Variants in CSPP1 observed in about 807,000 individuals in gnomAD.
CSPP1 encodes centrosome and spindle pole-associated protein 1.
CSPP1 carries 126 observed loss-of-function variants against 164.4 expected under a neutral mutation model. That is an observed-to-expected ratio of 0.77 (90% CI 0.66 to 0.89). The LOEUF (loss-of-function observed/expected upper bound fraction) is 0.89. Ranked by LOEUF, CSPP1 falls within the 40% of genes least tolerant of loss-of-function variation. The pLI, the probability that CSPP1 is intolerant of heterozygous loss-of-function variation, is 0.00. For missense variants in CSPP1, 1,395 were observed against 1,449.8 expected (o/e 0.96, Z 0.61); for synonymous variants, 472 against 476.7 (o/e 0.99, Z 0.13).
intron 25 of CSPP1, chr8:67,174,754 G>A: frequency 6.6e-6 from 1 of 151,258 alleles, no homozygotes; most frequent in East Asian, 1.9e-4. Context: ...GACAGAGCAA[G>A]ACTCCGTCTC....
intron 7 of CSPP1, among the ~76,000 whole-genome samples, chr8:67,101,032 CAA>C (rs1439983255): frequency 6.6e-6 from 1 of 152,048 alleles, no homozygotes; most frequent in Non-Finnish European, 1.5e-5. Flanking sequence ...GCACATGGAA[CAA>C]AGTTTGAAGG....
At position 67,118,257 on chromosome 8, in the gene CSPP1, T is replaced by C; in HGVS notation, c.1506T>C (p.Pro502=). 1 of 1,613,596 alleles carries C rather than the reference T, an allele frequency of 6.2e-7. No homozygotes were observed. The highest frequency in any genetic ancestry group is 8.5e-7 in the Non-Finnish European group (1 of 1,179,640). The change falls in exon 14 of 31, where the codon CCT becomes CCC. Residue 502 remains proline, a synonymous_variant. Transcript: ENST00000678616. Reference sequence around the variant, plus strand: ...CTTTCTTTTCATACAGGATTGCACCTCTGCCTCCACCTCCCCTACTACCAC... The same window carrying C: ...CTTTCTTTTCATACAGGATTGCACCCCTGCCTCCACCTCCCCTACTACCAC... ...LGEMVSPRIA[P]LPPPPLLPPL... is the part of the protein sequence containing the mutation.
chr8:67,103,093 T>G lies in CSPP1; in HGVS notation c.980T>G (p.Ile327Arg). Reference protein sequence around the residue: ...MPPMEHDGDVIEQSNIRISSA... With the variant: ...MPPMEHDGDVREQSNIRISSA... ...CCTATGGAACATGATGGGGATGTTATAGAACAGTCAAACATAAGAATTTCA... is the reference window on the plus strand; with the variant it reads ...CCTATGGAACATGATGGGGATGTTAGAGAACAGTCAAACATAAGAATTTCA... Residue 327 changes from isoleucine (I) to arginine (R), a missense_variant, in exon 8 of 31, where the codon ATA (isoleucine) becomes AGA (arginine). By Grantham distance (97) the Ile-to-Arg change is moderately conservative. Coordinates refer to ENST00000678616, the MANE Select transcript of CSPP1 (RefSeq NM_001382391.1). The G allele has an allele frequency of 6.2e-7, 1 of 1,611,454 alleles. No homozygotes were observed. Among genetic ancestry groups the G allele is most frequent in the South Asian group, 1.1e-5 (1 of 91,034 alleles).
rs1272116893 is a variant in CSPP1, at chr8:67,149,859, G to C, written c.2052G>C (p.Arg684Ser). The part of the protein sequence containing the change: ...NPDARTYEDK[R>S]AVVSLDPNLA... ...ATGCAAGAACATATGAAGATAAAAG[G>C]GCTGTTGTATCTCTAGACCCAAATT... Residue 684 changes from arginine to serine, a missense_variant, in exon 18 of 31, where the codon AGG becomes AGC. Transcript: ENST00000678616. 1 of 1,608,462 alleles carries C rather than the reference G, an allele frequency of 6.2e-7. No homozygotes were observed. Among genetic ancestry groups the C allele is most frequent in the Non-Finnish European group, 8.5e-7 (1 of 1,177,516 alleles).
At chr8:67,106,922 G>C (rs944306817) in intron 9 of CSPP1, among the ~76,000 whole-genome samples, 3 of 152,004 alleles carry the variant, frequency 2.0e-5, no homozygotes, top group African/African-American at 7.2e-5. Flanking sequence ...ATGCCACCTA[G>C]AATTCTAGTG....
chr8:67,102,467 A>G (rs1210893388), intron 7 of CSPP1, among the ~76,000 whole-genome samples: 2 of 152,046 alleles, frequency 1.3e-5, no homozygotes, highest in Non-Finnish European at 2.9e-5. Flanking sequence ...GTGCGCGCCT[A>G]TAGTCCCAGC....
intron 13 of CSPP1, among the ~76,000 whole-genome samples, chr8:67,116,478 C>T (rs557831738): frequency 2.0e-5 from 3 of 152,092 alleles, no homozygotes; most frequent in East Asian, 1.9e-4. Context: ...ACATTGAATT[C>T]TTCAATTTGT....
intron 9 of CSPP1, among the ~76,000 whole-genome samples, chr8:67,106,782 A>G (rs1202847434): frequency 6.6e-6 from 1 of 152,192 alleles, no homozygotes; most frequent in Non-Finnish European, 1.5e-5. Flanking sequence ...AAGTATATGA[A>G]GAAATTAACA....
intron 25 of CSPP1, chr8:67,173,456 T>C (rs1830872757): frequency 6.6e-6 from 1 of 152,192 alleles, no homozygotes; most frequent in Non-Finnish European, 1.5e-5. Flanking sequence ...AGGGGCAGAT[T>C]ATGGGATGTG....
chr8:67,159,841 T>C (rs1282766933), intron 21 of CSPP1, among the ~76,000 whole-genome samples: 2 of 128,680 alleles, frequency 1.6e-5, no homozygotes, highest in African/African-American at 7.1e-5. Flanking sequence ...TTTCTTTCTT[T>C]CTTTCTTTCT....
chr8:67,106,137 A>G (rs1480939441), intron 9 of CSPP1, among the ~76,000 whole-genome samples, 162 bp downstream of exon 9: 1 of 152,162 alleles, frequency 6.6e-6, no homozygotes, highest in Non-Finnish European at 1.5e-5. Flanking sequence ...TTTAACATAT[A>G]TAGCTCTGTA....
chr8:67,153,139 T>C (rs1158837318), intron 18 of CSPP1, among the ~76,000 whole-genome samples: 3 of 152,020 alleles, frequency 2.0e-5, no homozygotes, highest in African/African-American at 4.8e-5. Flanking sequence ...GAGGCAGAGG[T>C]TGCAGTGAGC....
intron 1 of CSPP1, 21 bp downstream of exon 1, chr8:67,064,559 G>T: frequency 6.3e-7 from 1 of 1,585,562 alleles, no homozygotes; most frequent in Non-Finnish European, 8.6e-7. Context: ...GGGTGGTGTA[G>T]GTTGAGGGTG....
Position 67,195,716 on chromosome 8 carries a change from AAAATT to A in CSPP1, c.*125_*129del. On this transcript the variant is annotated 3_prime_UTR_variant, in exon 31 of 31. Coordinates refer to ENST00000678616, the MANE Select transcript of CSPP1 (RefSeq NM_001382391.1). ...TACTTTTTTTCCATCATCTGTATAT[AAAATT>A]ATTTTTATCATGATGTATATTATGT... is the stretch of plus-strand genomic sequence containing the variant. 1.4e-6 allele frequency: 1 copy of A among 696,818 alleles called. No homozygotes were observed. The highest frequency in any genetic ancestry group is 1.9e-5 in the South Asian group (1 of 51,828). The allele number at this position is 696,818 out of a possible 1,614,324, so 43.2% of individuals were successfully genotyped here. A position where few individuals can be genotyped will look rare whatever the true frequency, so the allele number is the denominator to read the frequency against.
intron 17 of CSPP1, among the ~76,000 whole-genome samples, chr8:67,139,467 A>G (rs1316192410): frequency 3.3e-5 from 5 of 152,136 alleles, no homozygotes; most frequent in African/African-American, 1.2e-4. Flanking sequence ...TAGAAATACC[A>G]TTTGACCCAG....
chr8:67,152,139 A>G (rs1383606941), intron 18 of CSPP1, among the ~76,000 whole-genome samples: 1 of 151,968 alleles, frequency 6.6e-6, no homozygotes, highest in East Asian at 1.9e-4. Context: ...CTTTCTCAAT[A>G]CAAGAAATGA....
chr8:67,094,949 T>G (rs61476700), intron 6 of CSPP1, among the ~76,000 whole-genome samples: 12,576 of 152,226 alleles, frequency 0.083, 1,058 homozygotes, highest in African/African-American at 0.22. Flanking sequence ...TTTGGAGATA[T>G]GGCTTCTTTC....
intron 9 of CSPP1, among the ~76,000 whole-genome samples, chr8:67,111,641 G>T (rs1034864526): frequency 6.6e-5 from 10 of 151,708 alleles, no homozygotes; most frequent in African/African-American, 2.4e-4. Flanking sequence ...TGTTAAATTT[G>T]TAAGACTTAT....
Position 67,086,087 on chromosome 8 carries a change from G to A in CSPP1, c.280G>A (p.Asp94Asn), listed in dbSNP as rs1182648944. 1 of 1,454,584 alleles carries A rather than the reference G, an allele frequency of 6.9e-7. No homozygotes were observed. The highest frequency in any genetic ancestry group is 9.7e-7 in the Non-Finnish European group (1 of 1,034,754). The allele number at this position is 1,454,584 out of a possible 1,614,324, so 90.1% of individuals were successfully genotyped here. ...KHKLKEELRQ[D>N]YRRYLTQKNF... is the part of the protein sequence containing the mutation. ...TAAATTAAAAGAAGAATTGCGGCAA[G>A]ATTACAGACGTTATCTTACTCAGGT... Residue 94 changes from aspartate (D) to asparagine (N), a missense_variant, in exon 4 of 31, where the codon GAT becomes AAT. Transcript: ENST00000678616.
Sources: gnomAD v4.1 joint callset for allele counts (sites outside exome capture counted in the v4.1 genomes callset) on GRCh38, gnomAD v4.1.1 for gene constraint, MANE v1.5 for transcripts, NCBI Gene and HGNC (gene_info 2026-07-23, HGNC 2026-07-21) for gene names.